TASP1: variants seen among roughly 807,000 people sequenced by gnomAD.
The protein encoded by TASP1 is threonine aspartase 1.
TASP1 carries 16 observed loss-of-function variants against 56.6 expected under a neutral mutation model. That is an observed-to-expected ratio of 0.28 (90% CI 0.19 to 0.43). The LOEUF is 0.43. TASP1 is among the 20% of genes least tolerant of loss of function. The probability of loss-of-function intolerance (pLI) is 1.00; values close to 1 mark genes in which losing one functional copy is unlikely to be tolerated. For synonymous variants in TASP1, 179 were observed against 184.2 expected, an observed-to-expected ratio of 0.97 and a Z score of 0.23; for missense variants, 393 against 511.6, an observed-to-expected ratio of 0.77 and a Z score of 2.24.
chr20:13,307,467 T>C, the TASP1 span, among the ~76,000 whole-genome samples: 1 of 152,192 alleles, frequency 6.6e-6, no homozygotes, highest in Non-Finnish European at 1.5e-5. Context: ...ATATATTGTG[T>C]GGTTTGATTG....
chr20:13,557,572 G>GGTTTT (rs1293106640), intron 8 of TASP1, among the ~76,000 whole-genome samples: 1 of 99,738 alleles, frequency 1.0e-5, no homozygotes, highest in Non-Finnish European at 2.0e-5. Flanking sequence ...GATGTTTTTG[G>GGTTTT]TTTTTTTTTT....
chr20:13,214,971 T>C, the TASP1 span, among the ~76,000 whole-genome samples: 1 of 152,204 alleles, frequency 6.6e-6, no homozygotes, highest in Non-Finnish European at 1.5e-5. Flanking sequence ...GTGAGAGAAG[T>C]CAGAATATTG....
the TASP1 span, chr20:13,164,748 T>C: frequency 6.2e-7 from 1 of 1,611,416 alleles, no homozygotes; most frequent in South Asian, 1.1e-5. Flanking sequence ...AGCAATCTCA[T>C]TGCAGGTTTT....
intron 8 of TASP1, among the ~76,000 whole-genome samples, chr20:13,547,326 G>A (rs1337770379): frequency 1.3e-5 from 2 of 152,122 alleles, no homozygotes; most frequent in Non-Finnish European, 2.9e-5. Flanking sequence ...AGCTCATAAA[G>A]GAAGAGTTGA....
Position 13,483,237 on chromosome 20 carries a change from G to A in TASP1, c.975C>T (p.Asn325=). ...AHQALLETMQ[N]KFISSPFLAS... ...TAATGTTATACTTACTGATAAACTT[G>A]TTTTGCATAGTCTCCAACAGGGCTT... is the stretch of plus-strand genomic sequence containing the variant. The change falls in exon 11 of 14, where the codon AAC becomes AAT. Residue 325 remains asparagine (N), a synonymous_variant. Coordinates refer to ENST00000337743, the MANE Select transcript of TASP1 (RefSeq NM_017714.3). The A allele has an allele frequency of 6.3e-7, 1 of 1,583,548 alleles. No individual in the cohort carries two copies. Among genetic ancestry groups the A allele is most frequent in the Non-Finnish European group, 8.6e-7 (1 of 1,165,214 alleles).
At chr20:13,456,269 T>G (rs185958158) in intron 11 of TASP1, among the ~76,000 whole-genome samples, 1 of 152,152 alleles carries the variant, frequency 6.6e-6, no homozygotes, top group African/African-American at 2.4e-5. Flanking sequence ...ATTATGAGAG[T>G]GTTCTGAGAC....
At chr20:13,279,488 A>G in the TASP1 span, 7 of 786,406 alleles carry the variant, frequency 8.9e-6, no homozygotes, top group African/African-American at 1.2e-4. Context: ...GAGGTTTTCC[A>G]TTGTGTATCG....
rs573603119 is a variant in TASP1, at chr20:13,523,621, G to A, written c.874+4812C>T. On this transcript the variant is annotated intron_variant, in intron 10 of 13. Coordinates refer to ENST00000337743, the MANE Select transcript of TASP1 (RefSeq NM_017714.3). ...TAGCTCAGAAATATTGAGGCATAAG[G>A]CTGTTCTCAATTTTGGTATTTTTTT... 3.9e-5 allele frequency among the ~76,000 whole-genome samples: 6 copies of A among 152,092 alleles called. No homozygotes were observed. The East Asian group carries it at 1.2e-3, about 29-fold the overall frequency.
chr20:13,632,565 C>T (rs2033917142), intron 1 of TASP1, among the ~76,000 whole-genome samples: 1 of 152,076 alleles, frequency 6.6e-6, no homozygotes, highest in South Asian at 2.1e-4. Context: ...TACTCTCCCT[C>T]AGAGACTATC....
chr20:13,151,576 A>G, the TASP1 span, among the ~76,000 whole-genome samples: 1 of 152,198 alleles, frequency 6.6e-6, no homozygotes, highest in Non-Finnish European at 1.5e-5. Flanking sequence ...ACAAGCATGG[A>G]CAATTGGGGC....
intron 8 of TASP1, among the ~76,000 whole-genome samples, chr20:13,535,934 G>A (rs1045261584): frequency 6.6e-6 from 1 of 152,160 alleles, no homozygotes; most frequent in Non-Finnish European, 1.5e-5. Context: ...GTAAGATTAA[G>A]AACAGCAGTA....
the TASP1 span, among the ~76,000 whole-genome samples, chr20:13,212,980 A>G: frequency 0.15 from 23,172 of 152,146 alleles, 2,945 homozygotes; most frequent in East Asian, 0.48. Flanking sequence ...TTATTAGTAA[A>G]GACGTTAGAA....
the TASP1 span, among the ~76,000 whole-genome samples, chr20:13,245,773 C>G: frequency 1.3e-5 from 2 of 152,194 alleles, no homozygotes; most frequent in Non-Finnish European, 2.9e-5. Context: ...CTCCTCTGCT[C>G]ACAAACTTCC....
intron 11 of TASP1, among the ~76,000 whole-genome samples, chr20:13,439,562 C>T (rs55780323): frequency 0.016 from 2,402 of 152,080 alleles, 67 homozygotes; most frequent in African/African-American, 0.052. Context: ...TGTTAAGTGA[C>T]GAGTTACTGG....
chr20:13,534,184 G>A lies in TASP1; in HGVS notation c.676-43C>T, dbSNP rs2045329713. The A allele has an allele frequency of 4.4e-6, 7 of 1,608,244 alleles. No homozygotes were observed. The East Asian group carries it at 1.6e-4, about 36-fold the overall frequency. ...CACAAGTATTCACTAGGCATGGAGTGGGACAATCTGATATGACTACATAGC... is the reference window on the plus strand; with the variant it reads ...CACAAGTATTCACTAGGCATGGAGTAGGACAATCTGATATGACTACATAGC... On this transcript the variant is annotated intron_variant, in intron 8 of 13. Coordinates refer to ENST00000337743, the MANE Select transcript of TASP1 (RefSeq NM_017714.3).
At chr20:13,114,102 C>T in the TASP1 span, among the ~76,000 whole-genome samples, 7 of 152,180 alleles carry the variant, frequency 4.6e-5, no homozygotes, top group Non-Finnish European at 8.8e-5. Context: ...AGAGTCAGCC[C>T]ATGTGTCCAC....
At chr20:13,606,725 T>A (rs923584195) in intron 4 of TASP1, among the ~76,000 whole-genome samples, 2 of 148,134 alleles carry the variant, frequency 1.4e-5, no homozygotes, top group African/African-American at 2.5e-5. Context: ...TAGAATGGCG[T>A]GAACCCAGGA....
At chr20:13,338,065 AG>A in the TASP1 span, among the ~76,000 whole-genome samples, 1 of 152,206 alleles carries the variant, frequency 6.6e-6, no homozygotes, top group South Asian at 2.1e-4. Context: ...AAGAAAGTAA[AG>A]GAATAAAAGA....
chr20:13,610,852 T>A lies in TASP1; in HGVS notation c.282+12594A>T, dbSNP rs1027053478. On this transcript the variant is annotated intron_variant, in intron 4 of 13. Transcript: ENST00000337743. The stretch of plus-strand genomic sequence containing the variant: ...TCACCTTGAGAAACTCCAGTGTAAA[T>A]GAACTCCGTCAGCTGCTTAACTTCA... Among the ~76,000 whole-genome samples the A allele has an allele frequency of 2.0e-5, 3 of 152,158 alleles. No homozygotes were observed. The East Asian group carries it at 5.8e-4, about 29-fold the overall frequency.
Sources: allele counts gnomAD v4.1 joint callset (sites outside exome capture counted in the v4.1 genomes callset), GRCh38; gene constraint gnomAD v4.1.1; transcripts MANE v1.5; gene names NCBI Gene and HGNC (gene_info 2026-07-23, HGNC 2026-07-21).